The following ABCB1 variants were observed in gnomAD, a reference collection of about 807,000 sequenced individuals.
ABCB1 encodes the protein ATP-dependent translocase ABCB1.
Under a neutral mutation model 142.0 loss-of-function variants are expected in ABCB1, and 69 were observed. The observed-to-expected ratio is 0.49, with a 90% CI of 0.40 to 0.59. The LOEUF is 0.59. ABCB1 is among the 20% of genes least tolerant of loss of function. The pLI is 0.00. For missense variants in ABCB1, 1,326 were observed against 1,554.7 expected, an observed-to-expected ratio of 0.85 and a Z score of 2.47; for synonymous variants, 532 against 539.2, an observed-to-expected ratio of 0.99 and a Z score of 0.18.
chr7:87,565,702 G>A (rs979986959), intron 7 of ABCB1, among the ~76,000 whole-genome samples: 1 of 151,062 alleles, frequency 6.6e-6, no homozygotes, highest in Non-Finnish European at 1.5e-5. Context: ...TCTACTTGCC[G>A]TGTGAATGGG....
intron 1 of ABCB1, among the ~76,000 whole-genome samples, chr7:87,688,820 G>A (rs990631306): frequency 1.1e-4 from 16 of 151,692 alleles, no homozygotes; most frequent in African/African-American, 3.9e-4. Flanking sequence ...TAATTACTGT[G>A]TTTGTTATAG....
chr7:87,553,339 T>TTGAGACAG (rs1817164756), intron 9 of ABCB1, among the ~76,000 whole-genome samples: 8 of 149,292 alleles, frequency 5.4e-5, no homozygotes, highest in African/African-American at 2.0e-4. Flanking sequence ...TTTTTTTTTT[T>TTGAGACAG]TGAGACAGTC....
chr7:87,577,424 C>G (rs887628190), intron 4 of ABCB1, among the ~76,000 whole-genome samples: 3 of 152,080 alleles, frequency 2.0e-5, no homozygotes, highest in African/African-American at 7.2e-5. Flanking sequence ...GAGTATTTCC[C>G]CAGCAGAGGG....
chr7:87,608,088 G>A (rs1819722011), intron 1 of ABCB1, among the ~76,000 whole-genome samples: 1 of 151,662 alleles, frequency 6.6e-6, no homozygotes, highest in African/African-American at 2.4e-5. Context: ...TGATTTTAAT[G>A]TCCTCAATAA....
intron 8 of ABCB1, 117 bp downstream of exon 8, chr7:87,561,139 CCATTAAG>C (rs1817547592): frequency 9.0e-7 from 1 of 1,111,240 alleles, no homozygotes; most frequent in Non-Finnish European, 1.3e-6. Flanking sequence ...TGTAATACAT[CCATTAAG>C]CTATTTAAGA....
chr7:87,580,276 G>C (rs149665272), intron 4 of ABCB1, among the ~76,000 whole-genome samples: 89 of 152,228 alleles, frequency 5.8e-4, no homozygotes, highest in African/African-American at 2.1e-3. Context: ...ATCTGAGAAA[G>C]TATTTATTTC....
chr7:87,681,657 G>C (rs1826942488), intron 1 of ABCB1, among the ~76,000 whole-genome samples: 1 of 150,472 alleles, frequency 6.6e-6, no homozygotes, highest in South Asian at 2.1e-4. Flanking sequence ...CCTCAATATT[G>C]ATGGCTGCTG....
chr7:87,561,239 TCC>T, intron 8 of ABCB1, 22 bp downstream of exon 8: 1 of 1,612,930 alleles, frequency 6.2e-7, no homozygotes, highest in Non-Finnish European at 8.5e-7. Flanking sequence ...AACATATCTA[TCC>T]ATTTAAAAAA....
At chr7:87,700,349 A>T in intron 1 of ABCB1, 2 of 1,280,050 alleles carry the variant, frequency 1.6e-6, no homozygotes, top group Non-Finnish European at 2.1e-6. Flanking sequence ...TCAGAATTTT[A>T]TTGTTCTTGC....
At chr7:87,583,854 G>T (rs1818621427) in intron 4 of ABCB1, among the ~76,000 whole-genome samples, 1 of 152,218 alleles carries the variant, frequency 6.6e-6, no homozygotes, top group Admixed American at 6.5e-5. Context: ...TGGATGGACA[G>T]AGATGTACCC....
intron 1 of ABCB1, among the ~76,000 whole-genome samples, chr7:87,669,730 G>A (rs1480964357): frequency 1.3e-5 from 2 of 152,180 alleles, no homozygotes; most frequent in African/African-American, 4.8e-5. Context: ...CACTTGGGAA[G>A]CTCACTTTGG....
intron 3 of ABCB1, among the ~76,000 whole-genome samples, chr7:87,591,402 A>T (rs1345105075): frequency 6.6e-6 from 1 of 152,180 alleles, no homozygotes; most frequent in Non-Finnish European, 1.5e-5. Flanking sequence ...ATGTCAAAAG[A>T]GGGATGATAA....
rs182802768 is a variant in ABCB1 at position 87,544,369 on chromosome 7, A to G, written c.2065-94T>C. 4.1e-6 allele frequency: 5 copies of G among 1,230,946 alleles called. No homozygotes were observed. The Admixed American group carries it at 9.1e-5, about 22-fold the overall frequency. 76.3% of individuals were successfully genotyped at this position (1,230,946 alleles called of 1,614,324 possible). A position where few individuals can be genotyped will look rare whatever the true frequency, so the allele number is the denominator to read the frequency against. On this transcript the variant is annotated intron_variant, in intron 16 of 27. Transcript: ENST00000622132. Reference sequence around the variant, plus strand: ...AAAAATTAGTAAAGGAATATATCCTATCCTTATTCCTTATCAATGAATAAG... The same window carrying G: ...AAAAATTAGTAAAGGAATATATCCTGTCCTTATTCCTTATCAATGAATAAG...
intron 1 of ABCB1, among the ~76,000 whole-genome samples, chr7:87,706,202 G>A (rs1057323709): frequency 1.3e-5 from 2 of 152,072 alleles, no homozygotes; most frequent in African/African-American, 4.8e-5. Context: ...ATACTGACCA[G>A]GCTAAGCAAG....
intron 1 of ABCB1, among the ~76,000 whole-genome samples, chr7:87,664,347 A>C (rs939247285): frequency 1.7e-4 from 26 of 152,074 alleles, no homozygotes; most frequent in Non-Finnish European, 4.4e-5. Flanking sequence ...TAAAAAAATA[A>C]AATATAAAAT....
At chr7:87,573,559 G>A (rs556354546) in intron 4 of ABCB1, among the ~76,000 whole-genome samples, 4 of 151,930 alleles carry the variant, frequency 2.6e-5, no homozygotes, top group Non-Finnish European at 2.9e-5. Context: ...CCCCAGTTAG[G>A]TCTTCATATT....
chr7:87,591,874 G>A (rs1425661114), intron 3 of ABCB1, among the ~76,000 whole-genome samples: 1 of 152,160 alleles, frequency 6.6e-6, no homozygotes, highest in Non-Finnish European at 1.5e-5. Context: ...TGTGATAAGG[G>A]GTTGAGGAAC....
intron 1 of ABCB1, among the ~76,000 whole-genome samples, chr7:87,624,531 G>A (rs925244031): frequency 1.3e-5 from 2 of 152,108 alleles, no homozygotes; most frequent in Admixed American, 6.6e-5. Flanking sequence ...CTGCCCATTC[G>A]GTTCTACAGA....
chr7:87,612,171 G>A (rs1156559790), intron 1 of ABCB1, among the ~76,000 whole-genome samples: 5 of 152,018 alleles, frequency 3.3e-5, no homozygotes, highest in Non-Finnish European at 5.9e-5. Context: ...GTCCTTTGTT[G>A]AATGCATAAT....
Sources: gnomAD v4.1 joint callset for allele counts (sites outside exome capture counted in the v4.1 genomes callset) on GRCh38, gnomAD v4.1.1 for gene constraint, MANE v1.5 for transcripts, NCBI Gene and HGNC (gene_info 2026-07-23, HGNC 2026-07-21) for gene names.